Variants in CCDC88C observed in about 807,000 individuals in gnomAD.
CCDC88C encodes protein Daple.
CCDC88C carries 131 observed loss-of-function variants against 198.8 expected under a neutral mutation model. That is an observed-to-expected ratio of 0.66 (90% CI 0.57 to 0.76). The LOEUF is 0.76. CCDC88C is among the 30% of genes least tolerant of loss of function. CCDC88C has a pLI of 0.00. For synonymous variants in CCDC88C, 1,166 were observed against 1,114.7 expected (o/e 1.05, Z -0.92); for missense variants, 2,553 against 2,631.6 (o/e 0.97, Z 0.65).
rs910604641 is a variant in CCDC88C, at chr14:91,352,221, G to A, written c.340+7421C>T. ...TGGTGTGGCTGTTGCAGCCAGCGGCGTTCTCTGTGTGCCTGGGCCATCGCT... is the reference window on the plus strand; with the variant it reads ...TGGTGTGGCTGTTGCAGCCAGCGGCATTCTCTGTGTGCCTGGGCCATCGCT... On this transcript the variant is annotated intron_variant, in intron 4 of 29. Coordinates refer to ENST00000389857, the MANE Select transcript of CCDC88C (RefSeq NM_001080414.4). This position sits in a 1 kb window ranked among gnomAD's most constrained non-coding sequence, Gnocchi z 4.2. Among the ~76,000 whole-genome samples, 6 of 152,268 alleles carry A rather than the reference G, an allele frequency of 3.9e-5. No individual in the cohort carries two copies. The highest frequency in any genetic ancestry group is 1.9e-4 in the East Asian group (1 of 5,202).
intron 3 of CCDC88C, among the ~76,000 whole-genome samples, chr14:91,364,776 G>A (rs1269946626): frequency 6.6e-6 from 1 of 152,224 alleles, no homozygotes; most frequent in Non-Finnish European, 1.5e-5. Context: ...CCCAGAGCAT[G>A]CTGCATCTCA....
At chr14:91,350,497 A>G (rs1264509925) in intron 4 of CCDC88C, among the ~76,000 whole-genome samples, 2 of 152,166 alleles carry the variant, frequency 1.3e-5, no homozygotes, top group Non-Finnish European at 2.9e-5. Context: ...ACAGGAACTA[A>G]TTCTTGTTGT....
chr14:91,343,253 C>T lies in CCDC88C; in HGVS notation c.399+346G>A, dbSNP rs572120613. Among the ~76,000 whole-genome samples, 21 of 152,346 alleles carry T rather than the reference C, an allele frequency of 1.4e-4. 1 individual carries two copies. Among genetic ancestry groups the T allele is most frequent in the African/African-American group, 2.2e-4 (9 of 41,574 alleles). On this transcript the variant is annotated intron_variant, in intron 5 of 29. Coordinates refer to ENST00000389857, the MANE Select transcript of CCDC88C (RefSeq NM_001080414.4). ...GATTACAGGCATGAGCCACTGCACTCGGCCCAATAAAACTTTATTTACAAA... is the reference window on the plus strand; with the variant it reads ...GATTACAGGCATGAGCCACTGCACTTGGCCCAATAAAACTTTATTTACAAA...
intron 29 of CCDC88C, 108 bp downstream of exon 29, chr14:91,277,814 G>T: frequency 7.7e-7 from 1 of 1,299,156 alleles, no homozygotes; most frequent in Non-Finnish European, 1.0e-6. Context: ...CCAGTCCTGT[G>T]CCTAGGCCAC....
At chr14:91,374,617 T>C (rs1894990988) in intron 3 of CCDC88C, among the ~76,000 whole-genome samples, 1 of 152,034 alleles carries the variant, frequency 6.6e-6, no homozygotes. Context: ...GGGCAAGGGG[T>C]TACAGCCAGA....
intron 10 of CCDC88C, among the ~76,000 whole-genome samples, chr14:91,331,907 T>C (rs936252275): frequency 4.6e-5 from 7 of 152,038 alleles, no homozygotes; most frequent in South Asian, 2.1e-4. Flanking sequence ...TGTGCCCAGG[T>C]AGGTCTCTGC....
At chr14:91,317,952 C>T (rs1489099088) in intron 13 of CCDC88C, among the ~76,000 whole-genome samples, 1 of 152,200 alleles carries the variant, frequency 6.6e-6, no homozygotes, top group Non-Finnish European at 1.5e-5. Context: ...GAAGGGGCCC[C>T]AAAATATCAC....
At position 91,371,565 on chromosome 14, in the gene CCDC88C, G is replaced by A. The variant is rs760524216; in HGVS notation, c.271-11854C>T. Among the ~76,000 whole-genome samples, 152 of 152,236 alleles carry A rather than the reference G, an allele frequency of 1.0e-3. No individual in the cohort carries two copies. The highest frequency in any genetic ancestry group is 1.6e-3 in the Non-Finnish European group (112 of 68,000). On this transcript the variant is annotated intron_variant, in intron 3 of 29. Transcript: ENST00000389857. This position sits in a 1 kb window ranked among gnomAD's most constrained non-coding sequence, Gnocchi z 4.2. ...CGAGGAGCCTGTGGAGTCACAGACTGGGACCAAGACTGCCTCCCACACCCT... is the reference window on the plus strand; with the variant it reads ...CGAGGAGCCTGTGGAGTCACAGACTAGGACCAAGACTGCCTCCCACACCCT...
intron 13 of CCDC88C, among the ~76,000 whole-genome samples, chr14:91,320,802 GT>G (rs1892323645): frequency 6.6e-6 from 1 of 152,316 alleles, no homozygotes; most frequent in African/African-American, 2.4e-5. Flanking sequence ...GAACGAGGGA[GT>G]TTTCTTTTTA....
chr14:91,368,481 T>C (rs766419424), intron 3 of CCDC88C, among the ~76,000 whole-genome samples: 2 of 152,202 alleles, frequency 1.3e-5, no homozygotes, highest in African/African-American at 2.4e-5. Context: ...AAATCCCAAA[T>C]GCAATAGTTT....
chr14:91,313,875 C>T lies in CCDC88C; in HGVS notation c.1941G>A (p.Leu647=), dbSNP rs2139806665. The change falls in exon 15 of 30, where the codon CTG becomes CTA. Residue 647 remains leucine (L), a synonymous_variant. Coordinates refer to ENST00000389857, the MANE Select transcript of CCDC88C (RefSeq NM_001080414.4). This position sits in a 1 kb window ranked among gnomAD's most constrained non-coding sequence, Gnocchi z 5.2. ...TCTCCAGGGAGGTCACCTTCCTGGCCAGCCTCCCGTTCTCCTCCTGGAGTC... is the reference window on the plus strand; with the variant it reads ...TCTCCAGGGAGGTCACCTTCCTGGCTAGCCTCCCGTTCTCCTCCTGGAGTC... ...LQRLQEENGR[L]ARKVTSLETA... 6.2e-7 allele frequency: 1 copy of T among 1,607,344 alleles called. No individual in the cohort carries two copies. Among genetic ancestry groups the T allele is most frequent in the Non-Finnish European group, 8.5e-7 (1 of 1,177,738 alleles).
intron 13 of CCDC88C, among the ~76,000 whole-genome samples, chr14:91,318,202 T>C (rs1892189388): frequency 6.6e-6 from 1 of 152,064 alleles, no homozygotes; most frequent in African/African-American, 2.4e-5. Flanking sequence ...GAAGGACTGC[T>C]TGAGCCCAGG....
chr14:91,376,818 A>G (rs1884451851), intron 3 of CCDC88C, among the ~76,000 whole-genome samples: 2 of 152,186 alleles, frequency 1.3e-5, no homozygotes, highest in African/African-American at 2.4e-5. Flanking sequence ...GTAGGAAAGG[A>G]TGTCTGTCTC....
intron 3 of CCDC88C, among the ~76,000 whole-genome samples, chr14:91,387,621 G>A (rs1023988374): frequency 1.3e-5 from 2 of 152,144 alleles, no homozygotes; most frequent in Non-Finnish European, 2.9e-5. Flanking sequence ...GACTAGACAG[G>A]CCTCCTCCCG....
rs1893728440 is a variant in CCDC88C at position 91,350,196 on chromosome 14, T to C, written c.341-6539A>G. Among the ~76,000 whole-genome samples the C allele has an allele frequency of 2.6e-5, 4 of 151,982 alleles. No homozygotes were observed. In the South Asian group the frequency reaches 8.3e-4, roughly 32 times the overall value. The stretch of plus-strand genomic sequence containing the variant: ...TTTTTTTGGAGACAGAGTCTCACTC[T>C]GTCACCCAGGTTGGAGTGCAGTGGC... On this transcript the variant is annotated intron_variant, in intron 4 of 29. Coordinates refer to ENST00000389857, the MANE Select transcript of CCDC88C (RefSeq NM_001080414.4).
rs79803205 is a variant in CCDC88C at position 91,394,547 on chromosome 14, T to C, written c.270+14112A>G. On this transcript the variant is annotated intron_variant, in intron 3 of 29. Coordinates refer to ENST00000389857, the MANE Select transcript of CCDC88C (RefSeq NM_001080414.4). The stretch of plus-strand genomic sequence containing the variant: ...CGTGCTCCCTGATTGTAATGACTTA[T>C]TCTCTGAATTATTTACTCCACTGAA... Among the ~76,000 whole-genome samples the C allele has an allele frequency of 8.5e-4, 130 of 152,372 alleles. 1 individual carries two copies. The highest frequency in any genetic ancestry group is 3.1e-3 in the African/African-American group (129 of 41,582).
intron 3 of CCDC88C, among the ~76,000 whole-genome samples, chr14:91,367,292 C>T (rs116513346): frequency 0.017 from 2,515 of 152,280 alleles, 70 homozygotes; most frequent in African/African-American, 0.056. Context: ...ATGAAGGTGA[C>T]GCTCACGGTT....
intron 3 of CCDC88C, among the ~76,000 whole-genome samples, chr14:91,373,458 G>A (rs1894925029): frequency 6.6e-6 from 1 of 152,154 alleles, no homozygotes; most frequent in Non-Finnish European, 1.5e-5. Context: ...CTCCAGCATG[G>A]ATAAATAAGA....
intron 24 of CCDC88C, among the ~76,000 whole-genome samples, chr14:91,290,566 C>T (rs755422886): frequency 6.6e-6 from 1 of 152,220 alleles, no homozygotes; most frequent in African/African-American, 2.4e-5. Context: ...GAAAAATCTG[C>T]ATAAGGTCAA....
Sources: gnomAD v4.1 joint callset for allele counts (sites outside exome capture counted in the v4.1 genomes callset) on GRCh38, gnomAD v4.1.1 for gene constraint, Gnocchi (gnomAD v3.1) non-coding constraint, MANE v1.5 for transcripts, NCBI Gene and HGNC (gene_info 2026-07-23, HGNC 2026-07-21) for gene names.